Variants in DIS3L2 observed in about 807,000 individuals in gnomAD.
DIS3L2 encodes the protein DIS3 like 3'-5' exoribonuclease 2, also known as DIS3-like exonuclease 2.
DIS3L2 carries 34 observed loss-of-function variants against 97.5 expected under a neutral mutation model. The ratio of observed to expected loss-of-function variants is 0.35; its 90% CI spans 0.27 to 0.46. The LOEUF (loss-of-function observed/expected upper bound fraction) is 0.46, where lower values mean the gene tolerates loss of function less well. Among genes scored for constraint, DIS3L2 ranks in the 20% least tolerant of loss-of-function variants. The pLI is 1.00. For missense variants in DIS3L2, 1,038 were observed against 1,146.0 expected (o/e 0.91, Z 1.36); for synonymous variants, 435 against 445.2 (o/e 0.98, Z 0.29).
intron 5 of DIS3L2, among the ~76,000 whole-genome samples, chr2:232,080,583 C>CT (rs1696357403): frequency 6.6e-6 from 1 of 151,818 alleles, no homozygotes; most frequent in African/African-American, 2.4e-5. Context: ...GTCTCTCCTC[C>CT]TTTTTTTCCC....
intron 9 of DIS3L2, among the ~76,000 whole-genome samples, chr2:232,194,979 A>G (rs1691709891): frequency 1.3e-5 from 2 of 152,168 alleles, no homozygotes; most frequent in African/African-American, 4.8e-5. Flanking sequence ...CCTAGAATCT[A>G]AGTATTTAAT....
In DIS3L2 at chr2:232,077,953, TTC is replaced by T. The variant is rs370262610; in HGVS notation, c.367-9530_367-9529del. On this transcript the variant is annotated intron_variant, in intron 5 of 20. Coordinates refer to ENST00000325385, the MANE Select transcript of DIS3L2 (RefSeq NM_152383.5). ...TCTTTCTTTCTTTCTTTTTCTTTCT[TTC>T]TCTTTCTTTCTTTCTTTCTTTCTTT... Among the ~76,000 whole-genome samples the T allele has an allele frequency of 2.3e-3, 315 of 137,294 alleles. 3 individuals are homozygous for T. The highest frequency in any genetic ancestry group is 3.0e-3 in the Non-Finnish European group (186 of 61,834). The allele number at this position is 137,294 out of a possible 152,430, so 90.1% of individuals were successfully genotyped here.
intron 1 of DIS3L2, among the ~76,000 whole-genome samples, chr2:232,001,168 A>G (rs917880354): frequency 1.3e-5 from 2 of 152,166 alleles, no homozygotes; most frequent in Non-Finnish European, 2.9e-5. Context: ...TTACATTTCC[A>G]CCAACAGTGT....
intron 10 of DIS3L2, among the ~76,000 whole-genome samples, chr2:232,234,197 T>C (rs896682096): frequency 1.6e-4 from 24 of 152,198 alleles, no homozygotes; most frequent in Non-Finnish European, 3.1e-4. Flanking sequence ...GCCAAGTAAC[T>C]GGAAAAGTGA....
intron 13 of DIS3L2, among the ~76,000 whole-genome samples, chr2:232,296,217 T>C (rs190920631): frequency 7.9e-5 from 12 of 152,242 alleles, no homozygotes; most frequent in African/African-American, 2.9e-4. Flanking sequence ...ACTTGTTGAC[T>C]CTTCCCTCTC....
At chr2:232,287,456 T>C (rs1403898766) in intron 13 of DIS3L2, among the ~76,000 whole-genome samples, 2 of 124,790 alleles carry the variant, frequency 1.6e-5, no homozygotes, top group African/African-American at 3.0e-5. Context: ...TAGAGTGCAA[T>C]GGCGTGATCA....
At chr2:232,034,103 CT>C (rs994039896) in intron 5 of DIS3L2, among the ~76,000 whole-genome samples, 4 of 151,912 alleles carry the variant, frequency 2.6e-5, no homozygotes, top group Admixed American at 2.0e-4. Flanking sequence ...GGTCCTGGGC[CT>C]TTTTTTGGTT....
intron 10 of DIS3L2, among the ~76,000 whole-genome samples, chr2:232,217,835 G>C (rs1458312687): frequency 2.0e-5 from 3 of 152,176 alleles, no homozygotes; most frequent in African/African-American, 7.2e-5. Context: ...GTCCTATTGG[G>C]CCTTTTATGG....
At chr2:232,120,742 T>C (rs1265001844) in intron 6 of DIS3L2, among the ~76,000 whole-genome samples, 1 of 152,168 alleles carries the variant, frequency 6.6e-6, no homozygotes. Flanking sequence ...CTGACCCCTT[T>C]GTGATCCCCT....
At chr2:232,077,956 TCTTTC>T (rs1559602069) in intron 5 of DIS3L2, among the ~76,000 whole-genome samples, 7 of 19,338 alleles carry the variant, frequency 3.6e-4, no homozygotes, top group South Asian at 3.4e-3. Context: ...TCTTTCTTTC[TCTTTC>T]TTTCTTTCTT....
intron 14 of DIS3L2, among the ~76,000 whole-genome samples, chr2:232,301,599 G>A (rs1481830697): frequency 6.6e-6 from 1 of 152,154 alleles, no homozygotes; most frequent in Non-Finnish European, 1.5e-5. Flanking sequence ...TTTATCTTTA[G>A]GAGAATGCCA....
At chr2:232,096,950 T>C (rs1367228829) in intron 6 of DIS3L2, among the ~76,000 whole-genome samples, 3 of 152,372 alleles carry the variant, frequency 2.0e-5, no homozygotes, top group East Asian at 3.9e-4. Flanking sequence ...GGTGAGGTTA[T>C]GTTTTCCCAG....
Position 232,208,246 on chromosome 2 carries a change from A to ATTCCG in DIS3L2, c.1125-2070_1125-2066dup, listed in dbSNP as rs553712844. ...TGCTCTCTGTCTTATCTCTGTTTTCATTCCGTTCCGTTCCTCTCCTCTTCT... is the reference window on the plus strand; with the variant it reads ...TGCTCTCTGTCTTATCTCTGTTTTCATTCCGTTCCGTTCCGTTCCTCTCCTCTTCT... On this transcript the variant is annotated intron_variant, in intron 9 of 20. Coordinates refer to ENST00000325385, the MANE Select transcript of DIS3L2 (RefSeq NM_152383.5). Among the ~76,000 whole-genome samples, 374 of 151,572 alleles carry ATTCCG rather than the reference A, an allele frequency of 2.5e-3. 2 individuals are homozygous for ATTCCG. Among genetic ancestry groups the ATTCCG allele is most frequent in the Middle Eastern group, 6.8e-3 (2 of 294 alleles).
intron 6 of DIS3L2, among the ~76,000 whole-genome samples, chr2:232,124,817 C>G (rs1225410313): frequency 6.6e-6 from 1 of 152,040 alleles, no homozygotes; most frequent in Non-Finnish European, 1.5e-5. Flanking sequence ...AAAAAAGCAG[C>G]TGGAGAAAAA....
chr2:232,003,587 C>G (rs1245510500), intron 1 of DIS3L2, among the ~76,000 whole-genome samples: 1 of 152,136 alleles, frequency 6.6e-6, no homozygotes. Context: ...GGTATCATTT[C>G]CCTTTAGCCT....
intron 5 of DIS3L2, among the ~76,000 whole-genome samples, chr2:232,051,917 A>T (rs967375155): frequency 1.3e-5 from 2 of 151,156 alleles, no homozygotes; most frequent in Non-Finnish European, 3.0e-5. Flanking sequence ...TGGGAGCTGG[A>T]TAATTCTCCC....
At chr2:231,989,596 G>A (rs1055680910) in intron 1 of DIS3L2, among the ~76,000 whole-genome samples, 6 of 152,128 alleles carry the variant, frequency 3.9e-5, no homozygotes, top group Admixed American at 1.3e-4. Context: ...CTGCACTGAG[G>A]GAGGCTGAGG....
chr2:232,015,215 A>G (rs1345921382), intron 2 of DIS3L2, among the ~76,000 whole-genome samples: 1 of 152,206 alleles, frequency 6.6e-6, no homozygotes, highest in East Asian at 1.9e-4. Flanking sequence ...ATCTTTTAGT[A>G]ATTTCTATTT....
In DIS3L2 at chr2:232,141,162, A is replaced by C. The variant is rs139725793; in HGVS notation, c.950+4443A>C. 4.3e-3 allele frequency among the ~76,000 whole-genome samples: 659 copies of C among 152,154 alleles called. 6 individuals carry two copies. The highest frequency in any genetic ancestry group is 0.014 in the Middle Eastern group (4 of 294). On this transcript the variant is annotated intron_variant, in intron 8 of 20. Coordinates refer to ENST00000325385, the MANE Select transcript of DIS3L2 (RefSeq NM_152383.5). ...AACTCTTGCAGTGGAATTCATGCCT[A>C]TATTTTCTCAGCCCTTTGGGAAATC...
Sources: allele counts gnomAD v4.1 joint callset (sites outside exome capture counted in the v4.1 genomes callset), GRCh38; gene constraint gnomAD v4.1.1; transcripts MANE v1.5; gene names NCBI Gene and HGNC (gene_info 2026-07-23, HGNC 2026-07-21).